Variants in CADM1 observed in about 807,000 individuals in gnomAD.
The protein encoded by CADM1 is cell adhesion molecule 1, also known as TSLC-1.
A neutral mutation model predicts 53.1 loss-of-function variants in CADM1; 15 were observed. The observed-to-expected ratio is 0.28, with a 90% CI of 0.19 to 0.44. The LOEUF is 0.44. CADM1 is among the 20% of genes least tolerant of loss of function. The pLI is 1.00. For missense variants in CADM1, 434 were observed against 611.3 expected (o/e 0.71, Z 3.06); for synonymous variants, 281 against 243.0 (o/e 1.16, Z -1.45).
chr11:115,418,696 A>G (rs1289762712), intron 1 of CADM1, among the ~76,000 whole-genome samples: 4 of 152,176 alleles, frequency 2.6e-5, no homozygotes, highest in Admixed American at 1.3e-4. Context: ...TAAATTAAAT[A>G]TACCACATTA....
chr11:115,308,780 C>T (rs1368078071), intron 1 of CADM1, among the ~76,000 whole-genome samples: 1 of 148,976 alleles, frequency 6.7e-6, no homozygotes, highest in Non-Finnish European at 1.5e-5. Context: ...CCTTCCCTCC[C>T]TCCCTTCATC....
chr11:115,371,102 A>G (rs573413333), intron 1 of CADM1, among the ~76,000 whole-genome samples: 1 of 152,336 alleles, frequency 6.6e-6, no homozygotes, highest in Admixed American at 6.5e-5. Context: ...ATATAGGTTG[A>G]CAGGGAGGAA....
At chr11:115,356,367 C>T (rs772754601) in intron 1 of CADM1, among the ~76,000 whole-genome samples, 3 of 151,752 alleles carry the variant, frequency 2.0e-5, no homozygotes, top group African/African-American at 7.3e-5. Context: ...AATTTTGATA[C>T]ATCTAATGTC....
At chr11:115,333,379 A>G (rs1344023265) in intron 1 of CADM1, among the ~76,000 whole-genome samples, 1 of 152,182 alleles carries the variant, frequency 6.6e-6, no homozygotes, top group Non-Finnish European at 1.5e-5. Context: ...AGAATGCCCA[A>G]CATGCCTCCC....
At chr11:115,314,253 T>G (rs1170971599) in intron 1 of CADM1, among the ~76,000 whole-genome samples, 1 of 151,970 alleles carries the variant, frequency 6.6e-6, no homozygotes, top group African/African-American at 2.4e-5. Context: ...AAAGGGCACA[T>G]GGGGGGACAC....
intron 5 of CADM1, among the ~76,000 whole-genome samples, chr11:115,226,368 C>G (rs993820625): frequency 6.6e-6 from 1 of 152,084 alleles, no homozygotes; most frequent in Non-Finnish European, 1.5e-5. Context: ...TAAATGGACT[C>G]CTTAGATTGT....
chr11:115,184,733 A>G (rs1939464588), intron 10 of CADM1, among the ~76,000 whole-genome samples: 1 of 152,238 alleles, frequency 6.6e-6, no homozygotes, highest in African/African-American at 2.4e-5. Context: ...CAAAGGAGCT[A>G]TGTTAAGCTA....
At chr11:115,417,446 G>A (rs935517469) in intron 1 of CADM1, among the ~76,000 whole-genome samples, 3 of 152,160 alleles carry the variant, frequency 2.0e-5, no homozygotes, top group East Asian at 3.9e-4. Flanking sequence ...TATATCCTAC[G>A]TCTTTTCCTA....
rs1292872106 is a variant in CADM1, at chr11:115,217,917, T to C, written c.796A>G (p.Thr266Ala). 6.2e-7 allele frequency: 1 copy of C among 1,613,646 alleles called. No homozygotes were observed. Among genetic ancestry groups the C allele is most frequent in the Middle Eastern group, 1.7e-4 (1 of 6,052 alleles). ...TGGGGCTTCCCGATGGCTTCACATG[T>C]TAACTCAAGCGCGTCCCCTTCCCGG... ...LTREGDALEL[T>A]CEAIGKPQPV... The change falls in exon 6 of 12, where the codon ACA becomes GCA. Residue 266 changes from threonine (T) to alanine (A), a missense_variant. Around this residue, in one of 4 missense-constraint regions of CADM1, gnomAD observed 311 missense variants for 435.1 expected, o/e 0.71. Transcript: ENST00000331581.
chr11:115,322,055 G>A (rs1237026906), intron 1 of CADM1, among the ~76,000 whole-genome samples: 1 of 152,152 alleles, frequency 6.6e-6, no homozygotes, highest in Non-Finnish European at 1.5e-5. Context: ...TCAAAGCACA[G>A]AATGATTCTA....
rs780725426 is a variant in CADM1, at chr11:115,481,553, T to A, written c.124+22718A>T. Among the ~76,000 whole-genome samples the A allele has an allele frequency of 5.3e-4, 80 of 152,248 alleles. 1 individual carries two copies. Among genetic ancestry groups the A allele is most frequent in the Middle Eastern group, 3.4e-3 (1 of 294 alleles). On this transcript the variant is annotated intron_variant, in intron 1 of 11. Coordinates refer to ENST00000331581, the MANE Select transcript of CADM1 (RefSeq NM_001301043.2). The stretch of plus-strand genomic sequence containing the variant: ...ATCCATGGCCATGTCTCCAAATGAG[T>A]GCCACAGAGTGCTGCTAGGTATCTT...
chr11:115,293,414 C>T (rs192172538), intron 1 of CADM1, among the ~76,000 whole-genome samples: 146 of 152,098 alleles, frequency 9.6e-4, no homozygotes, highest in African/African-American at 3.5e-3. Context: ...GCCTGGGCGA[C>T]AGAGCGAGAC....
At chr11:115,218,779 G>T (rs1277789658) in intron 5 of CADM1, among the ~76,000 whole-genome samples, 2 of 152,110 alleles carry the variant, frequency 1.3e-5, no homozygotes, top group Middle Eastern at 3.2e-3. Flanking sequence ...ATGCAGTGAG[G>T]TACTTAGGAA....
chr11:115,409,156 A>G (rs1197395413), intron 1 of CADM1, among the ~76,000 whole-genome samples: 1 of 152,224 alleles, frequency 6.6e-6, no homozygotes, highest in African/African-American at 2.4e-5. Context: ...GATAAGAAAG[A>G]AGAAAGAGGC....
intron 6 of CADM1, among the ~76,000 whole-genome samples, chr11:115,216,970 C>T (rs1331374718): frequency 6.6e-6 from 1 of 152,188 alleles, no homozygotes; most frequent in African/African-American, 2.4e-5. Context: ...CAAAATCATA[C>T]TACGGGGACA....
At chr11:115,404,305 G>C (rs1466572597) in intron 1 of CADM1, among the ~76,000 whole-genome samples, 1 of 110,324 alleles carries the variant, frequency 9.1e-6, no homozygotes, top group South Asian at 3.4e-4. Context: ...CAGCCTGGGC[G>C]ACAGAGCAAG....
intron 5 of CADM1, among the ~76,000 whole-genome samples, chr11:115,222,997 T>C (rs1365504566): frequency 6.6e-6 from 1 of 152,114 alleles, no homozygotes; most frequent in Non-Finnish European, 1.5e-5. Flanking sequence ...CTTGAAGTCT[T>C]GGTAACTAGA....
At chr11:115,404,827 A>T (rs546804914) in intron 1 of CADM1, among the ~76,000 whole-genome samples, 1 of 149,136 alleles carries the variant, frequency 6.7e-6, no homozygotes, top group East Asian at 2.0e-4. Context: ...GGGCAACAGA[A>T]CAAGACCCTG....
At chr11:115,289,835 T>G (rs1055589280) in intron 1 of CADM1, among the ~76,000 whole-genome samples, 1 of 152,090 alleles carries the variant, frequency 6.6e-6, no homozygotes, top group Non-Finnish European at 1.5e-5. Context: ...GACCTCGTGA[T>G]CCGCCCGCCT....
Sources: allele counts gnomAD v4.1 joint callset (sites outside exome capture counted in the v4.1 genomes callset), GRCh38; gene constraint gnomAD v4.1.1; regional missense constraint gnomAD v4.1.1; transcripts MANE v1.5; gene names NCBI Gene and HGNC (gene_info 2026-07-23, HGNC 2026-07-21).